Variants in NEB observed in about 807,000 individuals in gnomAD.
NEB encodes nebulin, also known as nemaline myopathy type 2.
Under a neutral mutation model 952.2 loss-of-function variants are expected in NEB, and 512 were observed. The ratio of observed to expected loss-of-function variants is 0.54; its 90% confidence interval spans 0.50 to 0.58. NEB has a LOEUF of 0.58. Ranked by LOEUF, NEB falls within the 20% of genes least tolerant of loss-of-function variation. NEB has a pLI of 0.00. For synonymous variants in NEB, 2,900 were observed against 3,149.8 expected (o/e 0.92, Z 2.66); for missense variants, 8,428 against 9,231.1 (o/e 0.91, Z 3.56).
At chr2:151,704,499 A>G (rs575343794) in intron 13 of NEB, among the ~76,000 whole-genome samples, 1 of 151,518 alleles carries the variant, frequency 6.6e-6, no homozygotes, top group East Asian at 1.9e-4. Context: ...CTGCTGTGCT[A>G]GCAATCAGCG....
chr2:151,591,696 G>A (rs1357462159), intron 95 of NEB, among the ~76,000 whole-genome samples: 2 of 152,298 alleles, frequency 1.3e-5, no homozygotes, highest in Non-Finnish European at 2.9e-5. Flanking sequence ...AATAAATCAT[G>A]TAAAAATCAG....
chr2:151,518,961 T>C lies in NEB; in HGVS notation c.22695+4A>G. 1 of 1,599,868 alleles carries C rather than the reference T, an allele frequency of 6.3e-7. No individual in the cohort carries two copies. The highest frequency in any genetic ancestry group is 8.6e-7 in the Non-Finnish European group (1 of 1,167,192). ...CTGTTTCTGGAGCAAATGACTGAGC[T>C]TACAGAACTGGCAAGTTGGCTTGTA... On this transcript the variant is annotated splice_donor_region_variant and intron_variant, in intron 155 of 181. Transcript: ENST00000397345.
chr2:151,681,045 C>T (rs1376748132), intron 29 of NEB, among the ~76,000 whole-genome samples: 1 of 152,172 alleles, frequency 6.6e-6, no homozygotes, highest in East Asian at 1.9e-4. Flanking sequence ...AGCACAGACA[C>T]ATATACTGCT....
At position 151,612,257 on chromosome 2, in the gene NEB, G is replaced by A; in HGVS notation, c.11734C>T (p.Leu3912Phe). The change falls in exon 78 of 182, where the codon CTC (leucine) becomes TTC (phenylalanine). Residue 3912 changes from leucine (L) to phenylalanine (F), a missense_variant. By Grantham distance (22) the Leu-to-Phe change is conservative. Coordinates refer to ENST00000397345, the MANE Select transcript of NEB (RefSeq NM_001164508.2). Reference sequence around the variant, plus strand: ...GTGTCGGTAATGCATGTGAATTTGAGCTGGTCTGCAGGCTGGCGATACTTC... The same window carrying A: ...GTGTCGGTAATGCATGTGAATTTGAACTGGTCTGCAGGCTGGCGATACTTC... ...DRKYRQPADQ[L>F]KFTCITDTPE... 1 of 1,613,860 alleles carries A rather than the reference G, an allele frequency of 6.2e-7. No individual in the cohort carries two copies. Among genetic ancestry groups the A allele is most frequent in the Non-Finnish European group, 8.5e-7 (1 of 1,179,814 alleles).
intron 107 of NEB, among the ~76,000 whole-genome samples, chr2:151,571,952 G>A (rs2096643265): frequency 6.6e-6 from 1 of 152,188 alleles, no homozygotes; most frequent in Non-Finnish European, 1.5e-5. Flanking sequence ...TCAAGCTTTT[G>A]TATAAATTTT....
At chr2:151,578,630 A>G (rs1415079394) in intron 105 of NEB, among the ~76,000 whole-genome samples, 1 of 150,784 alleles carries the variant, frequency 6.6e-6, no homozygotes, top group Non-Finnish European at 1.5e-5. Flanking sequence ...CCAGGGCCAC[A>G]GGGCAAGGGA....
At chr2:151,623,959 G>A (rs2098468237) in intron 71 of NEB, among the ~76,000 whole-genome samples, 1 of 152,104 alleles carries the variant, frequency 6.6e-6, no homozygotes, top group Non-Finnish European at 1.5e-5. Context: ...TATCATCAGG[G>A]ATGTATTTTA....
intron 68 of NEB, among the ~76,000 whole-genome samples, chr2:151,628,649 T>C (rs1299804010): frequency 1.3e-5 from 2 of 152,096 alleles, no homozygotes; most frequent in Non-Finnish European, 2.9e-5. Flanking sequence ...GAGACCAGCC[T>C]AGCCAACATG....
intron 69 of NEB, 47 bp from the exon 70 acceptor site, chr2:151,627,252 C>A: frequency 6.4e-7 from 1 of 1,566,678 alleles, no homozygotes; most frequent in South Asian, 1.2e-5. Flanking sequence ...GTTGTTTTAA[C>A]ATGATTTCAA....
At chr2:151,515,333 G>A (rs1310897665) in intron 157 of NEB, among the ~76,000 whole-genome samples, 1 of 152,180 alleles carries the variant, frequency 6.6e-6, no homozygotes, top group Non-Finnish European at 1.5e-5. Context: ...AATCGCAGTG[G>A]AAGGAGAGCC....
chr2:151,500,463 A>G (rs1392518322), intron 168 of NEB, among the ~76,000 whole-genome samples: 4 of 152,060 alleles, frequency 2.6e-5, no homozygotes, highest in Admixed American at 2.6e-4. Context: ...CAGCAACAAT[A>G]TTAATAAAAG....
chr2:151,713,808 T>G (rs1285888707), intron 10 of NEB, among the ~76,000 whole-genome samples: 1 of 152,202 alleles, frequency 6.6e-6, no homozygotes, highest in African/African-American at 2.4e-5. Flanking sequence ...ATGTAGCTAA[T>G]GGCTTTGGCC....
intron 13 of NEB, among the ~76,000 whole-genome samples, chr2:151,706,587 C>T (rs990416607): frequency 1.3e-5 from 2 of 152,068 alleles, no homozygotes; most frequent in African/African-American, 4.8e-5. Flanking sequence ...TGTGGAGACC[C>T]AGGTGCCCGG....
Position 151,499,278 on chromosome 2 carries a change from G to A in NEB, c.24114+20C>T. ...AAACATTTTTTTAAATAATTAAAGG[G>A]ATTTTTTATTTTTAAATACCGAACT... is the stretch of plus-strand genomic sequence containing the variant. On this transcript the variant is annotated intron_variant, in intron 169 of 181. Coordinates refer to ENST00000397345, the MANE Select transcript of NEB (RefSeq NM_001164508.2). The A allele has an allele frequency of 8.1e-7, 1 of 1,241,860 alleles. No homozygotes were observed. The allele number at this position is 1,241,860 out of a possible 1,614,324, so 76.9% of individuals were successfully genotyped here.
intron 45 of NEB, among the ~76,000 whole-genome samples, chr2:151,662,554 A>G (rs2099160380): frequency 1.3e-5 from 2 of 152,138 alleles, no homozygotes; most frequent in South Asian, 4.1e-4. Context: ...ATTTCCTTGC[A>G]TGATAAATTA....
At chr2:151,512,606 A>G in intron 161 of NEB, 127 bp downstream of exon 161, 1 of 764,486 alleles carries the variant, frequency 1.3e-6, no homozygotes, top group Non-Finnish European at 2.2e-6. Flanking sequence ...GAGCCACTGC[A>G]CCTGGTGAAT....
chr2:151,496,562 G>A (rs1252547491), intron 172 of NEB, among the ~76,000 whole-genome samples, 194 bp from the exon 173 acceptor site: 2 of 152,208 alleles, frequency 1.3e-5, no homozygotes, highest in East Asian at 3.8e-4. Flanking sequence ...ACCCTCTAGA[G>A]AAGCAGGGAC....
chr2:151,551,915 C>T (rs557022044), intron 128 of NEB, 70 bp from the exon 129 acceptor site: 18 of 1,068,326 alleles, frequency 1.7e-5, no homozygotes, highest in Admixed American at 4.5e-5. Context: ...AAAAAAATAA[C>T]GGTAGCCTGC....
rs1262890077 is a variant in NEB, at chr2:151,568,397, C to G, written c.17655G>C (p.Trp5885Cys). Residue 5885 changes from tryptophan to cysteine, a missense_variant, in exon 112 of 182, where the codon TGG becomes TGC. Coordinates refer to ENST00000397345, the MANE Select transcript of NEB (RefSeq NM_001164508.2). ...GGGTGTACTTTGATTTGGTGGCATTCCAGTCTTTCCGGTATTTAATCTAAA... is the reference window on the plus strand; with the variant it reads ...GGGTGTACTTTGATTTGGTGGCATTGCAGTCTTTCCGGTATTTAATCTAAA... ...ILDDIKYRKD[W>C]NATKSKYTLT... 6 of 1,605,582 alleles carry G rather than the reference C, an allele frequency of 3.7e-6. No individual in the cohort carries two copies. The African/African-American group carries it at 6.9e-5, about 18-fold the overall frequency.
Sources: gnomAD v4.1 joint callset for allele counts (sites outside exome capture counted in the v4.1 genomes callset) on GRCh38, gnomAD v4.1.1 for gene constraint, MANE v1.5 for transcripts, NCBI Gene and HGNC (gene_info 2026-07-23, HGNC 2026-07-21) for gene names.